IPPK: variants seen among roughly 807,000 people sequenced by gnomAD.
IPPK encodes IPK1 homolog.
In IPPK, 22 loss-of-function variants were observed where a neutral mutation model predicts 64.6. The ratio of observed to expected loss-of-function variants is 0.34; its 90% CI spans 0.24 to 0.49. The LOEUF (loss-of-function observed/expected upper bound fraction) is 0.49, where lower values mean the gene tolerates loss of function less well. Ranked by LOEUF, IPPK falls within the 20% of genes least tolerant of loss-of-function variation. The probability of loss-of-function intolerance (pLI) is 0.99; values close to 1 mark genes in which losing one functional copy is unlikely to be tolerated. For missense variants in IPPK, 532 were observed against 630.7 expected (o/e 0.84, Z 1.68); for synonymous variants, 262 against 247.2 (o/e 1.06, Z -0.56).
At chr9:92,638,418 G>GCATA (rs1174472104) in intron 8 of IPPK, 138 bp from the exon 9 acceptor site, 30 of 905,582 alleles carry the variant, frequency 3.3e-5, no homozygotes, top group Non-Finnish European at 4.7e-5. Flanking sequence ...TGGGGCCGCT[G>GCATA]CATACTCCGG....
chr9:92,635,137 A>G lies in IPPK; in HGVS notation c.1067+21T>C, dbSNP rs745469860. ...CAGTCTCCTCTCAGGGCTGCCCAACAGGGGGACCGCCCGACCTCACCTCTC... is the reference window on the plus strand; with the variant it reads ...CAGTCTCCTCTCAGGGCTGCCCAACGGGGGGACCGCCCGACCTCACCTCTC... On this transcript the variant is annotated intron_variant, in intron 10 of 12. Coordinates refer to ENST00000287996, the MANE Select transcript of IPPK (RefSeq NM_022755.6). This position sits in a 1 kb window ranked among gnomAD's most constrained non-coding sequence, Gnocchi z 4.4. 1.9e-6 allele frequency: 3 copies of G among 1,601,574 alleles called. No homozygotes were observed. Among genetic ancestry groups the G allele is most frequent in the Non-Finnish European group, 2.6e-6 (3 of 1,172,250 alleles).
chr9:92,640,201 C>T (rs1425554153), intron 8 of IPPK, among the ~76,000 whole-genome samples: 3 of 152,126 alleles, frequency 2.0e-5, no homozygotes, highest in Non-Finnish European at 2.9e-5. Context: ...AACAGGGACC[C>T]GGCACCCTGA....
At chr9:92,637,609 C>T (rs1024208295) in intron 9 of IPPK, among the ~76,000 whole-genome samples, 13 of 152,246 alleles carry the variant, frequency 8.5e-5, no homozygotes, top group African/African-American at 3.1e-4. Context: ...CCCAGCCCTG[C>T]AGGATTTCTG....
At chr9:92,621,626 C>T (rs994827334) in intron 11 of IPPK, among the ~76,000 whole-genome samples, 1 of 148,928 alleles carries the variant, frequency 6.7e-6, no homozygotes, top group African/African-American at 2.5e-5. Context: ...GTAATCCTTC[C>T]ATCTCAGTCT....
intron 11 of IPPK, among the ~76,000 whole-genome samples, chr9:92,633,063 T>C (rs977755293): frequency 6.6e-6 from 1 of 151,932 alleles, no homozygotes; most frequent in Non-Finnish European, 1.5e-5. Flanking sequence ...CAGGCTAGAA[T>C]GCAGTGGTGC....
intron 6 of IPPK, among the ~76,000 whole-genome samples, chr9:92,645,685 G>C (rs1852137535): frequency 6.6e-6 from 1 of 152,012 alleles, no homozygotes; most frequent in Admixed American, 6.5e-5. Flanking sequence ...AAACCATGGA[G>C]GCCAGGAGGA....
intron 6 of IPPK, among the ~76,000 whole-genome samples, chr9:92,644,957 G>A (rs528003063): frequency 2.6e-5 from 4 of 152,310 alleles, no homozygotes; most frequent in African/African-American, 7.2e-5. Context: ...GGACTTACCA[G>A]ACAAAGACTT....
rs1454911584 is a variant in IPPK, at chr9:92,669,828, GA to G, written c.81+79del. 67 of 1,087,996 alleles carry G rather than the reference GA, an allele frequency of 6.2e-5. No individual in the cohort carries two copies. The African/African-American group carries it at 9.8e-4, about 16-fold the overall frequency. The allele number at this position is 1,087,996 out of a possible 1,614,324, so 67.4% of individuals were successfully genotyped here. On this transcript the variant is annotated intron_variant, in intron 1 of 12. Transcript: ENST00000287996. ...GGGGGGACGTGGAACCGACCCTGTT[GA>G]GGAAACGGATAATGGGGGCGGGGTG...
chr9:92,669,984 T>A lies in IPPK; in HGVS notation c.5A>T (p.Glu2Val), dbSNP rs1304213490. Reference protein sequence around the residue: MEEGKMDENEWG... With the variant: MVEGKMDENEWG... ...TTCATTCTCGTCCATCTTCCCCTCTTCCATGCCCAGGCGCAGCCCTGGCGC... is the reference window on the plus strand; with the variant it reads ...TTCATTCTCGTCCATCTTCCCCTCTACCATGCCCAGGCGCAGCCCTGGCGC... The change falls in exon 1 of 13, where the codon GAA becomes GTA. Residue 2 changes from glutamate (E) to valine (V), a missense_variant. Coordinates refer to ENST00000287996, the MANE Select transcript of IPPK (RefSeq NM_022755.6). 6.2e-7 allele frequency: 1 copy of A among 1,610,914 alleles called. No homozygotes were observed. Among genetic ancestry groups the A allele is most frequent in the East Asian group, 2.2e-5 (1 of 44,500 alleles).
rs758274354 is a variant in IPPK, at chr9:92,635,337, G to A, written c.917-29C>T. The A allele has an allele frequency of 1.0e-5, 16 of 1,598,444 alleles. No homozygotes were observed. The highest frequency in any genetic ancestry group is 1.3e-5 in the Non-Finnish European group (15 of 1,172,292). On this transcript the variant is annotated intron_variant, in intron 9 of 12. Transcript: ENST00000287996. This position sits in a 1 kb window ranked among gnomAD's most constrained non-coding sequence, Gnocchi z 4.4. ...CCGAGAACATCAGGGGAAAACGAGA[G>A]CATGTTGATTATCAAAGAACGTGGA...
intron 11 of IPPK, among the ~76,000 whole-genome samples, chr9:92,623,312 T>C (rs1316083984): frequency 6.6e-6 from 1 of 151,730 alleles, no homozygotes; most frequent in African/African-American, 2.4e-5. Flanking sequence ...CGGGTGCCTG[T>C]AATCCCAGCT....
intron 11 of IPPK, among the ~76,000 whole-genome samples, chr9:92,622,051 C>A (rs564164560): frequency 6.6e-6 from 1 of 152,212 alleles, no homozygotes; most frequent in South Asian, 2.1e-4. Flanking sequence ...TAATTAACCA[C>A]GTTAACAGAA....
At chr9:92,669,321 C>A (rs1852674499) in intron 1 of IPPK, among the ~76,000 whole-genome samples, 1 of 152,200 alleles carries the variant, frequency 6.6e-6, no homozygotes, top group Admixed American at 6.5e-5. Context: ...AAACTTTCAC[C>A]CTCGTTGAAT....
chr9:92,637,784 G>A (rs1186072321), intron 9 of IPPK, among the ~76,000 whole-genome samples: 3 of 152,224 alleles, frequency 2.0e-5, no homozygotes, highest in African/African-American at 7.2e-5. Flanking sequence ...GCCCAAATGT[G>A]TCCTGCAATT....
intron 12 of IPPK, chr9:92,617,032 C>T (rs994297975): frequency 6.6e-6 from 1 of 152,278 alleles, no homozygotes; most frequent in African/African-American, 2.4e-5. Context: ...TGCTGCCCTG[C>T]CCCAGAATCC....
rs1370900586 is a variant in IPPK at position 92,649,561 on chromosome 9, G to C, written c.306C>G (p.Asp102Glu). The change falls in exon 5 of 13, where the codon GAC becomes GAG. Residue 102 changes from aspartate to glutamate, a missense_variant. Asp to Glu is a conservative substitution (Grantham distance 45). Transcript: ENST00000287996. ...IQSERPESRC[D>E]KDLDTLSGYA... is the part of the protein sequence containing the mutation. ...AACCACTGAGAGTATCCAGGTCCTTGTCACAGCGAGACTCTGGAAAACAGA... is the reference window on the plus strand; with the variant it reads ...AACCACTGAGAGTATCCAGGTCCTTCTCACAGCGAGACTCTGGAAAACAGA... The C allele has an allele frequency of 2.5e-6, 4 of 1,614,056 alleles. No homozygotes were observed. Among genetic ancestry groups the C allele is most frequent in the Non-Finnish European group, 3.4e-6 (4 of 1,179,978 alleles).
chr9:92,661,721 A>T (rs1852488503), intron 1 of IPPK, among the ~76,000 whole-genome samples: 1 of 152,248 alleles, frequency 6.6e-6, no homozygotes, highest in Middle Eastern at 3.2e-3. Flanking sequence ...AAAAACTATT[A>T]CAAGAAACCT....
chr9:92,628,957 G>A (rs1280681807), intron 11 of IPPK, among the ~76,000 whole-genome samples: 1 of 152,052 alleles, frequency 6.6e-6, no homozygotes, highest in Non-Finnish European at 1.5e-5. Context: ...TGGGTGTTAC[G>A]GTGCACACCT....
chr9:92,631,127 G>C (rs1851834620), intron 11 of IPPK, among the ~76,000 whole-genome samples: 1 of 151,906 alleles, frequency 6.6e-6, no homozygotes, highest in Admixed American at 6.6e-5. Flanking sequence ...GTTATTGGGG[G>C]CTTCAGTCTC....
Sources: allele counts gnomAD v4.1 joint callset (sites outside exome capture counted in the v4.1 genomes callset), GRCh38; gene constraint gnomAD v4.1.1; non-coding constraint Gnocchi (gnomAD v3.1); transcripts MANE v1.5; gene names NCBI Gene and HGNC (gene_info 2026-07-23, HGNC 2026-07-21).